The following CDYL variants were observed in gnomAD, a reference collection of about 807,000 sequenced individuals.
CDYL encodes chromodomain Y-like protein.
Under a neutral mutation model 47.3 loss-of-function variants are expected in CDYL, and 8 were observed. That is an observed-to-expected ratio of 0.17 (90% CI 0.10 to 0.31). The LOEUF is 0.31. Among genes scored for constraint, CDYL ranks in the 10% least tolerant of loss-of-function variants. CDYL has a pLI of 1.00. For synonymous variants in CDYL, 266 were observed against 265.0 expected (o/e 1.00, Z -0.04); for missense variants, 471 against 701.4 (o/e 0.67, Z 3.71).
chr6:4,854,763 C>T (rs1054057759), intron 1 of CDYL, among the ~76,000 whole-genome samples: 15 of 152,156 alleles, frequency 9.9e-5, no homozygotes, highest in Non-Finnish European at 8.8e-5. Context: ...CCCAGGGTGA[C>T]GTCGAAACAA....
At chr6:4,951,617 G>C (rs141308400) in intron 5 of CDYL, among the ~76,000 whole-genome samples, 1 of 151,666 alleles carries the variant, frequency 6.6e-6, no homozygotes, top group African/African-American at 2.4e-5. Context: ...GTCATTTTTC[G>C]CCACATTCAA....
At chr6:4,784,788 C>T (rs1031953032) in intron 1 of CDYL, among the ~76,000 whole-genome samples, 9 of 152,194 alleles carry the variant, frequency 5.9e-5, no homozygotes, top group African/African-American at 1.9e-4. Context: ...ATAATTCCCA[C>T]GTACCATGGG....
intron 1 of CDYL, among the ~76,000 whole-genome samples, chr6:4,842,828 T>C (rs1171091721): frequency 6.6e-6 from 1 of 152,150 alleles, no homozygotes; most frequent in Non-Finnish European, 1.5e-5. Flanking sequence ...AAAACCCTTG[T>C]GGGTTTTTTT....
At chr6:4,913,738 A>G (rs1335221224) in intron 2 of CDYL, among the ~76,000 whole-genome samples, 2 of 152,220 alleles carry the variant, frequency 1.3e-5, no homozygotes, top group Non-Finnish European at 2.9e-5. Flanking sequence ...GATATTTTAC[A>G]CTTTGAGGCC....
rs573675343 is a variant in CDYL at position 4,845,120 on chromosome 6, T to C, written c.25-46593T>C. Among the ~76,000 whole-genome samples, 3 of 152,324 alleles carry C rather than the reference T, an allele frequency of 2.0e-5. No homozygotes were observed. The South Asian group carries it at 6.2e-4, about 32-fold the overall frequency. Reference sequence around the variant, plus strand: ...TTCCATTTTTGTCTGTCACTTGATATTTTTAGAGGTTAATTTCACTGCATG... The same window carrying C: ...TTCCATTTTTGTCTGTCACTTGATACTTTTAGAGGTTAATTTCACTGCATG... On this transcript the variant is annotated intron_variant, in intron 1 of 6. Coordinates refer to ENST00000397588, the MANE Select transcript of CDYL (RefSeq NM_004824.4).
intron 1 of CDYL, among the ~76,000 whole-genome samples, chr6:4,825,008 T>C (rs1014830966): frequency 3.9e-5 from 6 of 152,076 alleles, no homozygotes; most frequent in Admixed American, 2.6e-4. Context: ...GTAGCTGAGA[T>C]TACAGGTGCC....
intron 1 of CDYL, among the ~76,000 whole-genome samples, chr6:4,887,261 AC>A (rs1317193165): frequency 1.3e-5 from 2 of 152,240 alleles, no homozygotes; most frequent in African/African-American, 2.4e-5. Flanking sequence ...AATAAGAGTT[AC>A]GTCGAATCTA....
chr6:4,707,965 C>T (rs538197561), intron 1 of CDYL, among the ~76,000 whole-genome samples: 2 of 151,974 alleles, frequency 1.3e-5, no homozygotes, highest in East Asian at 3.9e-4. Flanking sequence ...ATAAGCAGGA[C>T]TTTATTTTAG....
chr6:4,793,930 A>G (rs927826397), intron 1 of CDYL, among the ~76,000 whole-genome samples: 2 of 151,842 alleles, frequency 1.3e-5, no homozygotes, highest in Non-Finnish European at 2.9e-5. Context: ...ATTGCCCTGG[A>G]GGGCTGGTGG....
At position 4,746,045 on chromosome 6, in the gene CDYL, G is replaced by A. The variant is rs1224334954; in HGVS notation, c.186+11201G>A. On this transcript the variant is annotated intron_variant, in intron 3 of 8. Coordinates refer to the CDYL transcript ENST00000328908. The stretch of plus-strand genomic sequence containing the variant: ...AGCGAGATAAATGTTAGATACAAAC[G>A]GGACATCCAATGCATGCTTTAGAAG... Among the ~76,000 whole-genome samples, 7 of 152,136 alleles carry A rather than the reference G, an allele frequency of 4.6e-5. No homozygotes were observed. The South Asian group carries it at 1.2e-3, about 27-fold the overall frequency.
intron 3 of CDYL, among the ~76,000 whole-genome samples, chr6:4,751,134 C>T (rs1053957528): frequency 1.3e-5 from 2 of 152,138 alleles, no homozygotes; most frequent in African/African-American, 4.8e-5. Context: ...GGATTACAGG[C>T]GTGAGCCACT....
rs553604269 is a variant in CDYL, at chr6:4,729,437, A to C, written c.104-5325A>C. Among the ~76,000 whole-genome samples the C allele has an allele frequency of 1.8e-4, 27 of 152,038 alleles. No individual in the cohort carries two copies. In the South Asian group the frequency reaches 5.6e-3, roughly 32 times the overall value. ...TTGATACCTTCTCAGACCTCTGGCAAATCTAAAGCCCAGACCAACTGGGAT... is the reference window on the plus strand; with the variant it reads ...TTGATACCTTCTCAGACCTCTGGCACATCTAAAGCCCAGACCAACTGGGAT... On this transcript the variant is annotated intron_variant, in intron 2 of 8. Coordinates refer to the CDYL transcript ENST00000328908.
chr6:4,938,105 C>T (rs1758253467), intron 4 of CDYL, among the ~76,000 whole-genome samples: 1 of 152,318 alleles, frequency 6.6e-6, no homozygotes. Flanking sequence ...GTCCTCAACC[C>T]CTAGATAAAG....
At chr6:4,836,997 G>C (rs778357755) in intron 1 of CDYL, among the ~76,000 whole-genome samples, 3 of 152,212 alleles carry the variant, frequency 2.0e-5, no homozygotes, top group East Asian at 3.9e-4. Flanking sequence ...TCTCTCATGA[G>C]AGTGAGGGCA....
At chr6:4,815,396 A>G (rs903530264) in intron 1 of CDYL, among the ~76,000 whole-genome samples, 1 of 152,188 alleles carries the variant, frequency 6.6e-6, no homozygotes, top group Admixed American at 6.5e-5. Context: ...TAAGAGCCTC[A>G]TAGTTTTATT....
intron 5 of CDYL, among the ~76,000 whole-genome samples, chr6:4,946,433 A>G (rs548199507): frequency 2.0e-4 from 31 of 152,138 alleles, no homozygotes; most frequent in African/African-American, 7.2e-4. Flanking sequence ...GGCCTGCTGG[A>G]TGAGGCTCTG....
chr6:4,867,968 C>G (rs1299716670), intron 1 of CDYL, among the ~76,000 whole-genome samples: 1 of 151,852 alleles, frequency 6.6e-6, no homozygotes, highest in Non-Finnish European at 1.5e-5. Context: ...TCTTTCATTT[C>G]TGATATGGGT....
At chr6:4,768,466 G>T (rs1758288993) in intron 3 of CDYL, among the ~76,000 whole-genome samples, 1 of 152,140 alleles carries the variant, frequency 6.6e-6, no homozygotes, top group South Asian at 2.1e-4. Flanking sequence ...ATGCACAGAA[G>T]TCAACTGAAA....
intron 1 of CDYL, among the ~76,000 whole-genome samples, chr6:4,802,253 AT>A (rs139353456): frequency 0.045 from 6,899 of 152,204 alleles, 528 homozygotes; most frequent in African/African-American, 0.16. Context: ...AAAATCACTA[AT>A]TAGCTTGGCA....
Sources: gnomAD v4.1 joint callset for allele counts (sites outside exome capture counted in the v4.1 genomes callset) on GRCh38, gnomAD v4.1.1 for gene constraint, MANE v1.5 for transcripts, NCBI Gene and HGNC (gene_info 2026-07-23, HGNC 2026-07-21) for gene names.